Variants in THADA observed in about 807,000 individuals in gnomAD.
THADA encodes the protein THADA armadillo repeat containing.
Under a neutral mutation model 219.8 loss-of-function variants are expected in THADA, and 213 were observed. The ratio of observed to expected loss-of-function variants is 0.97; its 90% CI spans 0.87 to 1.09. THADA has a LOEUF of 1.09. THADA is among the 50% of genes least tolerant of loss of function. THADA has a pLI of 0.00. For synonymous variants in THADA, 1,018 were observed against 828.9 expected, an observed-to-expected ratio of 1.23 and a Z score of -3.92; for missense variants, 2,956 against 2,311.3, an observed-to-expected ratio of 1.28 and a Z score of -5.72.
intron 35 of THADA, among the ~76,000 whole-genome samples, chr2:43,285,887 T>C (rs1265948731): frequency 6.6e-6 from 1 of 152,176 alleles, no homozygotes; most frequent in Non-Finnish European, 1.5e-5. Flanking sequence ...AACAGACTAA[T>C]ACAGATACCT....
chr2:43,385,174 C>CA lies in THADA; in HGVS notation c.4227+12796dup, dbSNP rs530500759. 1.1e-4 allele frequency among the ~76,000 whole-genome samples: 17 copies of CA among 151,416 alleles called. No individual in the cohort carries two copies. In the East Asian group the frequency reaches 2.9e-3, roughly 26 times the overall value. The stretch of plus-strand genomic sequence containing the variant: ...CAAAAAACAAAAACAAAAAAACCCA[C>CA]AAAAAAACAAAAAACAATTTGGTAA... On this transcript the variant is annotated intron_variant, in intron 29 of 37. Coordinates refer to ENST00000405975, the MANE Select transcript of THADA (RefSeq NM_022065.5).
At chr2:43,341,916 T>C (rs1441313732) in intron 30 of THADA, among the ~76,000 whole-genome samples, 3 of 152,022 alleles carry the variant, frequency 2.0e-5, no homozygotes, top group Non-Finnish European at 4.4e-5. Flanking sequence ...CTAAATAAAA[T>C]GGAGAAAACA....
chr2:43,487,015 C>T (rs1686995038), intron 25 of THADA, among the ~76,000 whole-genome samples: 1 of 152,118 alleles, frequency 6.6e-6, no homozygotes, highest in South Asian at 2.1e-4. Flanking sequence ...ATCAAAAATG[C>T]AATAAAACCC....
At chr2:43,543,917 TTTG>T (rs1695662294) in intron 20 of THADA, among the ~76,000 whole-genome samples, 2 of 152,010 alleles carry the variant, frequency 1.3e-5, no homozygotes, top group South Asian at 2.1e-4. Context: ...TGCCATTGCT[TTTG>T]GTGTTTTAGA....
intron 14 of THADA, among the ~76,000 whole-genome samples, chr2:43,567,562 G>C (rs1318270573): frequency 6.6e-6 from 1 of 152,222 alleles, no homozygotes; most frequent in Non-Finnish European, 1.5e-5. Flanking sequence ...AGGAGGCAGA[G>C]GTTGCAGTGA....
intron 31 of THADA, among the ~76,000 whole-genome samples, chr2:43,315,789 A>G (rs1044978850): frequency 2.6e-5 from 4 of 152,230 alleles, no homozygotes; most frequent in African/African-American, 9.6e-5. Context: ...TTGGAGTGAC[A>G]CTAGGAACTT....
chr2:43,586,789 A>G, intron 5 of THADA, 55 bp from the exon 6 acceptor site: 1 of 1,610,704 alleles, frequency 6.2e-7, no homozygotes, highest in African/African-American at 1.3e-5. Flanking sequence ...AATCAATGTC[A>G]TTTAAAAACT....
intron 29 of THADA, among the ~76,000 whole-genome samples, chr2:43,350,260 G>A (rs1181333384): frequency 6.6e-6 from 1 of 152,162 alleles, no homozygotes; most frequent in African/African-American, 2.4e-5. Flanking sequence ...AAGGGTAAAA[G>A]GGAGATGACT....
At chr2:43,326,184 A>AC (rs1558583745) in intron 30 of THADA, among the ~76,000 whole-genome samples, 4 of 142,828 alleles carry the variant, frequency 2.8e-5, no homozygotes, top group Non-Finnish European at 6.2e-5. Flanking sequence ...AAAAAAAAAA[A>AC]CACTTGAAAG....
chr2:43,276,202 C>G (rs1433957713), intron 36 of THADA, among the ~76,000 whole-genome samples: 1 of 152,172 alleles, frequency 6.6e-6, no homozygotes, highest in Non-Finnish European at 1.5e-5. Context: ...CTTCTGCAGG[C>G]TCCATGATTG....
At chr2:43,499,440 A>G (rs1459799775) in intron 24 of THADA, among the ~76,000 whole-genome samples, 3 of 152,172 alleles carry the variant, frequency 2.0e-5, no homozygotes, top group Admixed American at 1.3e-4. Context: ...AGAATGGCAC[A>G]GTCTCGGCTC....
At chr2:43,484,147 T>C (rs1028162073) in intron 26 of THADA, 3 of 154,194 alleles carry the variant, frequency 1.9e-5, no homozygotes, top group Admixed American at 1.3e-4. Flanking sequence ...TCAAGGGATT[T>C]ATACTTACAG....
chr2:43,454,602 A>AACACACAC (rs35970227), intron 26 of THADA, among the ~76,000 whole-genome samples: 1,833 of 149,058 alleles, frequency 0.012, 27 homozygotes, highest in South Asian at 0.069. Flanking sequence ...ACCCTGTCTA[A>AACACACAC]ACACACACAC....
At chr2:43,389,939 T>C (rs138493579) in intron 29 of THADA, among the ~76,000 whole-genome samples, 1,816 of 152,318 alleles carry the variant, frequency 0.012, 23 homozygotes, top group Non-Finnish European at 0.017. Context: ...AGGTAGCTCA[T>C]AAGCTTCTTG....
At chr2:43,491,644 C>G (rs916980310) in intron 25 of THADA, among the ~76,000 whole-genome samples, 1 of 152,146 alleles carries the variant, frequency 6.6e-6, no homozygotes, top group African/African-American at 2.4e-5. Flanking sequence ...GCATGCTGTA[C>G]AGTTTGTAGC....
At chr2:43,345,261 G>A (rs914081538) in intron 29 of THADA, among the ~76,000 whole-genome samples, 4 of 152,154 alleles carry the variant, frequency 2.6e-5, no homozygotes, top group Non-Finnish European at 4.4e-5. Context: ...AGTTAGATAC[G>A]GAAGGGGGTA....
chr2:43,356,695 T>C (rs1668904683), intron 29 of THADA, among the ~76,000 whole-genome samples: 1 of 152,236 alleles, frequency 6.6e-6, no homozygotes, highest in South Asian at 2.1e-4. Flanking sequence ...ATTTATTAAG[T>C]AGTTAGGTCC....
chr2:43,380,732 C>T (rs1671910262), intron 29 of THADA, among the ~76,000 whole-genome samples: 1 of 152,118 alleles, frequency 6.6e-6, no homozygotes, highest in South Asian at 2.1e-4. Flanking sequence ...ACCAGGTCTC[C>T]TTGGAGAAAT....
intron 36 of THADA, among the ~76,000 whole-genome samples, chr2:43,239,438 G>C (rs1311001941): frequency 6.6e-6 from 1 of 152,194 alleles, no homozygotes; most frequent in African/African-American, 2.4e-5. Flanking sequence ...ACAAATCTCA[G>C]CCTCTGATTC....
Sources: allele counts gnomAD v4.1 joint callset (sites outside exome capture counted in the v4.1 genomes callset), GRCh38; gene constraint gnomAD v4.1.1; transcripts MANE v1.5; gene names NCBI Gene and HGNC (gene_info 2026-07-23, HGNC 2026-07-21).